DLC1: variants seen among roughly 807,000 people sequenced by gnomAD.
DLC1 encodes the protein rho GTPase-activating protein 7.
Under a neutral mutation model 140.3 loss-of-function variants are expected in DLC1, and 54 were observed. That is an observed-to-expected ratio of 0.38 (90% CI 0.31 to 0.48). The LOEUF (loss-of-function observed/expected upper bound fraction) is 0.48, where lower values mean the gene tolerates loss of function less well. DLC1 is among the 20% of genes least tolerant of loss of function. DLC1 has a pLI of 0.96. For synonymous variants in DLC1, 986 were observed against 728.1 expected (o/e 1.35, Z -5.70); for missense variants, 2,536 against 1,907.0 (o/e 1.33, Z -6.14).
intron 5 of DLC1, among the ~76,000 whole-genome samples, chr8:13,123,327 C>T (rs191607566): frequency 1.3e-5 from 2 of 151,750 alleles, no homozygotes; most frequent in East Asian, 3.9e-4. Flanking sequence ...CTGCTCCCTG[C>T]ACCCCCCGCC....
intron 5 of DLC1, among the ~76,000 whole-genome samples, chr8:13,284,481 C>G (rs1368575279): frequency 6.6e-6 from 1 of 152,088 alleles, no homozygotes; most frequent in East Asian, 1.9e-4. Context: ...GCGCTGAGAT[C>G]GCGCCATTGC....
chr8:13,412,658 G>A (rs1473506988), intron 2 of DLC1, among the ~76,000 whole-genome samples: 2 of 152,108 alleles, frequency 1.3e-5, no homozygotes, highest in Non-Finnish European at 2.9e-5. Context: ...ATGTCCCTTT[G>A]TGCGGTGGCT....
intron 5 of DLC1, among the ~76,000 whole-genome samples, chr8:13,257,125 A>G (rs1029594867): frequency 3.9e-5 from 6 of 152,260 alleles, no homozygotes; most frequent in South Asian, 2.1e-4. Context: ...GGATGCCACA[A>G]ATAGTTGTCC....
chr8:13,428,754 G>C (rs943755638), intron 2 of DLC1, among the ~76,000 whole-genome samples: 12 of 152,130 alleles, frequency 7.9e-5, no homozygotes, highest in Non-Finnish European at 1.3e-4. Flanking sequence ...GGGATATGGT[G>C]GAACTACATG....
intron 1 of DLC1, chr8:13,567,213 G>C: frequency 6.4e-7 from 1 of 1,551,492 alleles, no homozygotes; most frequent in Non-Finnish European, 8.7e-7. Flanking sequence ...CTGAGCTTTT[G>C]GACTATAAAA....
At chr8:13,184,792 G>C (rs779115012) in intron 5 of DLC1, among the ~76,000 whole-genome samples, 1 of 152,184 alleles carries the variant, frequency 6.6e-6, no homozygotes, top group Admixed American at 6.5e-5. Flanking sequence ...GGGGTGGAGA[G>C]TTCTGTAGAT....
intron 4 of DLC1, among the ~76,000 whole-genome samples, chr8:13,381,693 C>G (rs1157889391): frequency 6.6e-6 from 1 of 152,112 alleles, no homozygotes; most frequent in African/African-American, 2.4e-5. Flanking sequence ...CAGTCAACCC[C>G]CAACTGCAGC....
intron 2 of DLC1, among the ~76,000 whole-genome samples, chr8:13,443,996 A>G (rs1211957849): frequency 6.6e-6 from 1 of 152,192 alleles, no homozygotes; most frequent in South Asian, 2.1e-4. Flanking sequence ...AATCATGGCC[A>G]TGATGTAAAT....
chr8:13,410,747 A>T (rs1837746410), intron 2 of DLC1, among the ~76,000 whole-genome samples: 1 of 152,216 alleles, frequency 6.6e-6, no homozygotes, highest in African/African-American at 2.4e-5. Context: ...AACATACTGT[A>T]CAACTAATTT....
chr8:13,427,335 A>G (rs916875309), intron 2 of DLC1, among the ~76,000 whole-genome samples: 2 of 152,042 alleles, frequency 1.3e-5, no homozygotes, highest in South Asian at 4.2e-4. Flanking sequence ...GTCCTCCTGG[A>G]TGTCTCCAGG....
intron 5 of DLC1, among the ~76,000 whole-genome samples, chr8:13,123,884 C>A (rs1365200335): frequency 1.3e-5 from 2 of 152,070 alleles, no homozygotes; most frequent in African/African-American, 4.8e-5. Context: ...TTTTTCTGAC[C>A]AGGATCCCCA....
At chr8:13,451,970 A>G (rs1162067695) in intron 2 of DLC1, among the ~76,000 whole-genome samples, 1 of 152,114 alleles carries the variant, frequency 6.6e-6, no homozygotes, top group African/African-American at 2.4e-5. Flanking sequence ...TGGTTGTACT[A>G]ATTTCCATGA....
At chr8:13,293,969 A>G (rs983233301) in intron 5 of DLC1, among the ~76,000 whole-genome samples, 1 of 152,216 alleles carries the variant, frequency 6.6e-6, no homozygotes, top group African/African-American at 2.4e-5. Context: ...GTTGTGAAAA[A>G]TTATAATTTT....
At chr8:13,544,205 C>G (rs1585258962) in intron 1 of DLC1, among the ~76,000 whole-genome samples, 1 of 100,144 alleles carries the variant, frequency 1.0e-5, no homozygotes, top group Non-Finnish European at 2.4e-5. Context: ...CAAACACACA[C>G]ACACACACAC....
chr8:13,478,157 T>C (rs1355989779), intron 2 of DLC1, among the ~76,000 whole-genome samples: 2 of 152,156 alleles, frequency 1.3e-5, no homozygotes, highest in Non-Finnish European at 2.9e-5. Context: ...AAGCATGGTA[T>C]AGGCATCTGC....
chr8:13,155,850 C>A (rs906279307), intron 5 of DLC1, among the ~76,000 whole-genome samples: 4 of 152,106 alleles, frequency 2.6e-5, no homozygotes, highest in Non-Finnish European at 5.9e-5. Flanking sequence ...GCCGAAAGCT[C>A]ATAAAGTGAA....
chr8:13,183,491 T>C (rs1826159597), intron 5 of DLC1, among the ~76,000 whole-genome samples: 1 of 152,244 alleles, frequency 6.6e-6, no homozygotes, highest in African/African-American at 2.4e-5. Context: ...ATATGTTCCA[T>C]CAATACCTAG....
chr8:13,250,405 A>G (rs1829951627), intron 5 of DLC1, among the ~76,000 whole-genome samples: 1 of 152,096 alleles, frequency 6.6e-6, no homozygotes, highest in Non-Finnish European at 1.5e-5. Flanking sequence ...TTTTCCAATG[A>G]CTTCTAGAGT....
chr8:13,111,112 A>G (rs1272141523), intron 6 of DLC1, among the ~76,000 whole-genome samples: 1 of 152,194 alleles, frequency 6.6e-6, no homozygotes, highest in African/African-American at 2.4e-5. Context: ...TCAGCAGGCA[A>G]TGAGTCCCCA....
Sources: gnomAD v4.1 joint callset for allele counts (sites outside exome capture counted in the v4.1 genomes callset) on GRCh38, gnomAD v4.1.1 for gene constraint, MANE v1.5 for transcripts, NCBI Gene and HGNC (gene_info 2026-07-23, HGNC 2026-07-21) for gene names.